The following ASIC2 variants were observed in gnomAD, a reference collection of about 807,000 sequenced individuals.
ASIC2 encodes acid-sensing ion channel 2.
Under a neutral mutation model 57.3 loss-of-function variants are expected in ASIC2, and 25 were observed. The observed-to-expected ratio is 0.44, with a 90% CI of 0.32 to 0.61. The LOEUF is 0.61. Among genes scored for constraint, ASIC2 ranks in the 20% least tolerant of loss-of-function variants. The pLI, the probability that ASIC2 is intolerant of heterozygous loss-of-function variation, is 0.06. For synonymous variants in ASIC2, 319 were observed against 307.5 expected (o/e 1.04, Z -0.39); for missense variants, 641 against 738.1 (o/e 0.87, Z 1.52).
intron 3 of ASIC2, among the ~76,000 whole-genome samples, chr17:33,074,872 C>T (rs984352167): frequency 2.0e-5 from 3 of 152,154 alleles, no homozygotes; most frequent in African/African-American, 7.2e-5. Context: ...AGGAATTGTA[C>T]CAGTTATGAT....
intron 1 of ASIC2, among the ~76,000 whole-genome samples, chr17:33,922,424 CT>C (rs745329886): frequency 5.3e-5 from 8 of 152,340 alleles, no homozygotes; most frequent in Non-Finnish European, 1.0e-4. Context: ...CCCTTGCCCC[CT>C]GGCAAATCCT....
intron 1 of ASIC2, among the ~76,000 whole-genome samples, chr17:33,483,304 C>T (rs758329596): frequency 1.3e-5 from 2 of 152,184 alleles, no homozygotes; most frequent in Non-Finnish European, 2.9e-5. Context: ...CAGTTTTGCC[C>T]AAGTCTTGTC....
rs150924560 is a variant in ASIC2 at position 33,595,944 on chromosome 17, C to A, written c.556-483877G>T. ...TTCTGTTGCAAGCTAAATAGTTCCTCCCCCTCAGTAGAGTCTATGCTGTTT... is the reference window on the plus strand; with the variant it reads ...TTCTGTTGCAAGCTAAATAGTTCCTACCCCTCAGTAGAGTCTATGCTGTTT... On this transcript the variant is annotated intron_variant, in intron 1 of 9. Transcript: ENST00000359872. 6.4e-3 allele frequency among the ~76,000 whole-genome samples: 977 copies of A among 152,286 alleles called. 10 individuals carry two copies. The highest frequency in any genetic ancestry group is 0.036 in the East Asian group (187 of 5,180).
intron 1 of ASIC2, among the ~76,000 whole-genome samples, chr17:33,537,203 G>A (rs1196216252): frequency 1.3e-5 from 2 of 152,086 alleles, no homozygotes; most frequent in Non-Finnish European, 2.9e-5. Context: ...TGCAGCTGGG[G>A]TGGTGGTGTA....
At chr17:33,466,079 A>T (rs1018445264) in intron 1 of ASIC2, among the ~76,000 whole-genome samples, 3 of 152,218 alleles carry the variant, frequency 2.0e-5, no homozygotes, top group Non-Finnish European at 4.4e-5. Context: ...TTTTTAAAAG[A>T]ATGCTTAAAA....
intron 1 of ASIC2, among the ~76,000 whole-genome samples, chr17:33,251,847 C>A (rs1353137075): frequency 6.6e-6 from 1 of 152,054 alleles, no homozygotes; most frequent in Non-Finnish European, 1.5e-5. Context: ...TTTCTAAAGG[C>A]AAAAAATCCC....
chr17:34,148,463 G>T (rs1333909811), intron 1 of ASIC2, among the ~76,000 whole-genome samples: 1 of 152,326 alleles, frequency 6.6e-6, no homozygotes, highest in South Asian at 2.1e-4. Context: ...CATGCCAAAT[G>T]TTCGCAAGAC....
At chr17:33,502,171 G>A (rs1435038943) in intron 1 of ASIC2, among the ~76,000 whole-genome samples, 1 of 152,136 alleles carries the variant, frequency 6.6e-6, no homozygotes, top group Non-Finnish European at 1.5e-5. Context: ...GGGGCAAGCA[G>A]TTGACACTAT....
At chr17:33,813,406 G>A (rs931080828) in intron 1 of ASIC2, among the ~76,000 whole-genome samples, 1 of 152,270 alleles carries the variant, frequency 6.6e-6, no homozygotes, top group African/African-American at 2.4e-5. Flanking sequence ...CAGCCCCAGA[G>A]TGCCAGCATT....
intron 1 of ASIC2, among the ~76,000 whole-genome samples, chr17:33,330,987 T>A (rs549009995): frequency 2.2e-4 from 34 of 152,250 alleles, no homozygotes; most frequent in Non-Finnish European, 4.6e-4. Context: ...ACCCCTGGGC[T>A]ACAGACTGAT....
chr17:33,421,690 T>A (rs1326158405), intron 1 of ASIC2, among the ~76,000 whole-genome samples: 1 of 152,230 alleles, frequency 6.6e-6, no homozygotes, highest in East Asian at 1.9e-4. Flanking sequence ...GGCCAGGAAG[T>A]AGAAAATGGA....
chr17:33,962,047 A>G (rs1318507612), intron 1 of ASIC2, among the ~76,000 whole-genome samples: 2 of 152,000 alleles, frequency 1.3e-5, no homozygotes, highest in Admixed American at 1.3e-4. Context: ...CCTTCTTCTA[A>G]CACTCCGCAC....
chr17:33,077,951 T>C (rs1051845133), intron 3 of ASIC2, among the ~76,000 whole-genome samples: 1 of 152,148 alleles, frequency 6.6e-6, no homozygotes, highest in Non-Finnish European at 1.5e-5. Flanking sequence ...TTTTGGCCTA[T>C]GCATGGAAGT....
chr17:33,897,424 A>T (rs1459651884), intron 1 of ASIC2, among the ~76,000 whole-genome samples: 1 of 152,206 alleles, frequency 6.6e-6, no homozygotes, highest in African/African-American at 2.4e-5. Flanking sequence ...CCATCTCTTA[A>T]TCATCTTTGT....
At chr17:33,064,576 G>T (rs1440072232) in intron 3 of ASIC2, among the ~76,000 whole-genome samples, 1 of 152,216 alleles carries the variant, frequency 6.6e-6, no homozygotes, top group African/African-American at 2.4e-5. Flanking sequence ...AGGGGTACCT[G>T]GCCGTGTGAG....
chr17:33,343,376 C>T (rs1907809323), intron 1 of ASIC2, among the ~76,000 whole-genome samples: 1 of 152,218 alleles, frequency 6.6e-6, no homozygotes, highest in African/African-American at 2.4e-5. Flanking sequence ...ACTGGCTTCT[C>T]CAAGAATTTG....
chr17:33,623,238 T>G (rs1241450545), intron 1 of ASIC2, among the ~76,000 whole-genome samples: 2 of 120,952 alleles, frequency 1.7e-5, no homozygotes, highest in East Asian at 4.1e-4. Flanking sequence ...GTGATATCGT[T>G]TTTTTTTGTT....
chr17:34,041,680 T>A (rs950413617), intron 1 of ASIC2, among the ~76,000 whole-genome samples: 1 of 152,128 alleles, frequency 6.6e-6, no homozygotes, highest in Non-Finnish European at 1.5e-5. Context: ...TCTTCCCCCC[T>A]CTCAGTGGGG....
rs2091786886 is a variant in ASIC2, at chr17:33,013,193, T to C, written c.*772A>G. 6.6e-6 allele frequency: 1 copy of C among 152,044 alleles called. No individual in the cohort carries two copies. Among genetic ancestry groups the C allele is most frequent in the African/African-American group, 2.4e-5 (1 of 41,410 alleles). The allele number at this position is 152,044 out of a possible 1,614,324, so 9.4% of individuals were successfully genotyped here. The stretch of plus-strand genomic sequence containing the variant: ...AAACCTCAGAACATCAAAACTAAAA[T>C]AAAAAAGCATAAAATGAAGCAAAAC... On this transcript the variant is annotated 3_prime_UTR_variant, in exon 10 of 10. Coordinates refer to ENST00000225823, the MANE Select transcript of ASIC2 (RefSeq NM_183377.2).
Sources: allele counts gnomAD v4.1 joint callset (sites outside exome capture counted in the v4.1 genomes callset), GRCh38; gene constraint gnomAD v4.1.1; transcripts MANE v1.5; gene names NCBI Gene and HGNC (gene_info 2026-07-23, HGNC 2026-07-21).